Variants in HSF1 observed in about 807,000 individuals in gnomAD.
HSF1 encodes heat shock factor protein 1.
HSF1 carries 32 observed loss-of-function variants against 51.7 expected under a neutral mutation model. That is an observed-to-expected ratio of 0.62 (90% CI 0.47 to 0.83). HSF1 has a LOEUF of 0.83. HSF1 is among the 40% of genes least tolerant of loss of function. HSF1 has a pLI of 0.00. For missense variants in HSF1, 727 were observed against 717.0 expected, an observed-to-expected ratio of 1.01 and a Z score of -0.16; for synonymous variants, 396 against 309.7, an observed-to-expected ratio of 1.28 and a Z score of -2.92.
intron 1 of HSF1, among the ~76,000 whole-genome samples, chr8:144,301,175 C>T (rs7388382): frequency 0.52 from 79,668 of 152,012 alleles, 21,163 homozygotes; most frequent in Admixed American, 0.65. Flanking sequence ...TCCCAGCACT[C>T]TGGGAGGCTG....
chr8:144,304,787 C>T (rs747128384), intron 1 of HSF1, among the ~76,000 whole-genome samples: 4 of 151,200 alleles, frequency 2.6e-5, no homozygotes, highest in Non-Finnish European at 4.4e-5. Flanking sequence ...GCTGGGATTA[C>T]AGGCATGAGC....
At chr8:144,309,639 TCCCC>T in intron 3 of HSF1, 48 bp downstream of exon 3, 2 of 1,562,160 alleles carry the variant, frequency 1.3e-6, no homozygotes, top group Non-Finnish European at 1.7e-6. Context: ...GCCACAGCTC[TCCCC>T]GCCCGCCCCT....
rs782346783 is a variant in HSF1 at position 144,313,901 on chromosome 8, G to A, written c.1304G>A (p.Ser435Asn). 3.7e-6 allele frequency: 6 copies of A among 1,608,686 alleles called. No homozygotes were observed. Among genetic ancestry groups the A allele is most frequent in the South Asian group, 2.2e-5 (2 of 90,826 alleles). ...PDMSLPDLDS[S>N]LASIQELLSP... ...ATGAGCCTGCCTGACCTTGACAGCA[G>A]CCTGGCCAGTGTGCGTAGGCGGGCG... Residue 435 changes from serine (S) to asparagine (N), a missense_variant, in exon 11 of 13, where the codon AGC becomes AAC. Transcript: ENST00000528838.
At position 144,311,505 on chromosome 8, in the gene HSF1, C is replaced by A. The variant is rs373537624; in HGVS notation, c.627C>A (p.Ile209=). Residue 209 remains isoleucine (I), a splice_region_variant and synonymous_variant, in exon 7 of 13, where the codon ATC becomes ATA. Coordinates refer to ENST00000528838, the MANE Select transcript of HSF1 (RefSeq NM_005526.4). ...GGCTGACCTGCACCCTTCCCCACAG[C>A]CCCCTGATGCTGAACGACAGTGGCT... is the stretch of plus-strand genomic sequence containing the variant. ...SNRILGVKRK[I]PLMLNDSGSA... 6.2e-7 allele frequency: 1 copy of A among 1,613,448 alleles called. No homozygotes were observed. The highest frequency in any genetic ancestry group is 1.3e-5 in the African/African-American group (1 of 75,036).
intron 1 of HSF1, among the ~76,000 whole-genome samples, chr8:144,296,433 A>C (rs1315139858): frequency 6.6e-6 from 1 of 152,206 alleles, no homozygotes; most frequent in Non-Finnish European, 1.5e-5. Flanking sequence ...AGCAGCTGTG[A>C]GAAGTGCTGC....
chr8:144,313,307 A>G (rs1816810807), intron 9 of HSF1: 2 of 547,988 alleles, frequency 3.6e-6, no homozygotes, highest in South Asian at 2.2e-5. Context: ...GATGCCCAGC[A>G]TAGGCCCAGC....
chr8:144,313,948 C>G (rs781984948), intron 11 of HSF1, 37 bp downstream of exon 11: 2 of 1,610,466 alleles, frequency 1.2e-6, no homozygotes, highest in Admixed American at 1.7e-5. Context: ...GGAACGAGAC[C>G]AGCGGGAGTG....
At chr8:144,301,414 A>C (rs1815860401) in intron 1 of HSF1, among the ~76,000 whole-genome samples, 1 of 149,532 alleles carries the variant, frequency 6.7e-6, no homozygotes, top group Non-Finnish European at 1.5e-5. Context: ...GCCCTGTCTC[A>C]AAAAAAAAAT....
chr8:144,294,768 C>T (rs187917646), intron 1 of HSF1, among the ~76,000 whole-genome samples: 1 of 152,148 alleles, frequency 6.6e-6, no homozygotes, highest in African/African-American at 2.4e-5. Flanking sequence ...CCCACCCCCC[C>T]CTCCCAAGAC....
intron 4 of HSF1, 153 bp from the exon 5 acceptor site, chr8:144,311,021 T>A (rs1424271476): frequency 2.9e-6 from 2 of 694,758 alleles, no homozygotes; most frequent in Non-Finnish European, 4.8e-6. Flanking sequence ...CCCCAGTCCC[T>A]CCACACACAA....
intron 1 of HSF1, among the ~76,000 whole-genome samples, chr8:144,299,168 G>A (rs572458680): frequency 3.9e-5 from 6 of 152,316 alleles, no homozygotes; most frequent in East Asian, 1.9e-4. Flanking sequence ...GAAGCCAGGC[G>A]AAGTGGCTCA....
In HSF1 at chr8:144,298,797, C is replaced by A. The variant is rs186367407; in HGVS notation, c.117+6923C>A. Reference sequence around the variant, plus strand: ...AAGGAGTTACGCCCAAAACAAAGAGCTCCAGCAATCTGCGCGTGAGCCCGC... The same window carrying A: ...AAGGAGTTACGCCCAAAACAAAGAGATCCAGCAATCTGCGCGTGAGCCCGC... On this transcript the variant is annotated intron_variant, in intron 1 of 12. Coordinates refer to ENST00000528838, the MANE Select transcript of HSF1 (RefSeq NM_005526.4). 4.0e-3 allele frequency among the ~76,000 whole-genome samples: 604 copies of A among 152,320 alleles called. 6 individuals carry two copies. The highest frequency in any genetic ancestry group is 0.031 in the South Asian group (149 of 4,830).
At chr8:144,307,659 G>A (rs374535305) in intron 1 of HSF1, among the ~76,000 whole-genome samples, 23 of 152,100 alleles carry the variant, frequency 1.5e-4, no homozygotes, top group African/African-American at 5.3e-4. Flanking sequence ...ACTTGAACTC[G>A]GGAGGCTGAG....
At chr8:144,306,337 C>T (rs1289341829) in intron 1 of HSF1, among the ~76,000 whole-genome samples, 2 of 145,876 alleles carry the variant, frequency 1.4e-5, no homozygotes, top group Admixed American at 1.4e-4. Context: ...CTTTGCATAT[C>T]TCTATTTTTT....
At chr8:144,309,045 G>GCCTCCCGCACCC in intron 2 of HSF1, 31 bp downstream of exon 2, 1 of 1,521,902 alleles carries the variant, frequency 6.6e-7, no homozygotes, top group Non-Finnish European at 9.1e-7. Flanking sequence ...GCGCAGGGGT[G>GCCTCCCGCACCC]CGGGAGGCAG....
intron 1 of HSF1, among the ~76,000 whole-genome samples, chr8:144,305,988 T>C (rs1364768798): frequency 2.0e-5 from 3 of 152,148 alleles, no homozygotes; most frequent in Non-Finnish European, 4.4e-5. Context: ...TGCCTTGGCC[T>C]CCCAAACTGC....
At chr8:144,311,630 A>G (rs1445008990) in intron 7 of HSF1, 29 bp downstream of exon 7, 6 of 1,612,342 alleles carry the variant, frequency 3.7e-6, no homozygotes, top group Non-Finnish European at 5.1e-6. Context: ...GCACCCGCCC[A>G]GGCATGCAGG....
At chr8:144,311,674 C>T (rs374619750) in intron 7 of HSF1, 26 bp from the exon 8 acceptor site, 9 of 1,610,110 alleles carry the variant, frequency 5.6e-6, no homozygotes, top group Middle Eastern at 3.3e-4. Flanking sequence ...GCCGGCACTG[C>T]ATGGACCTCC....
chr8:144,296,296 G>A (rs1564611011), intron 1 of HSF1, among the ~76,000 whole-genome samples: 1 of 152,194 alleles, frequency 6.6e-6, no homozygotes, highest in Admixed American at 6.5e-5. Context: ...GATCGTGTCC[G>A]GAGCTCCCAC....
Sources: gnomAD v4.1 joint callset for allele counts (sites outside exome capture counted in the v4.1 genomes callset) on GRCh38, gnomAD v4.1.1 for gene constraint, MANE v1.5 for transcripts, NCBI Gene and HGNC (gene_info 2026-07-23, HGNC 2026-07-21) for gene names.